Variants in SLC25A17 observed in about 807,000 individuals in gnomAD.
The protein encoded by SLC25A17 is peroxisomal membrane protein PMP34.
SLC25A17 carries 26 observed loss-of-function variants against 38.5 expected under a neutral mutation model. That is an observed-to-expected ratio of 0.68 (90% CI 0.50 to 0.94). The LOEUF (loss-of-function observed/expected upper bound fraction) is 0.94. Ranked by LOEUF, SLC25A17 falls within the 40% of genes least tolerant of loss-of-function variation. SLC25A17 has a pLI of 0.00. For synonymous variants in SLC25A17, 139 were observed against 136.2 expected (o/e 1.02, Z -0.14); for missense variants, 333 against 372.7 (o/e 0.89, Z 0.88).
At chr22:40,804,129 T>A (rs1461537987) in intron 1 of SLC25A17, among the ~76,000 whole-genome samples, 1 of 152,076 alleles carries the variant, frequency 6.6e-6, no homozygotes, top group African/African-American at 2.4e-5. Context: ...TCACTTTCAA[T>A]CCCAATTCGG....
intron 8 of SLC25A17, among the ~76,000 whole-genome samples, chr22:40,772,217 G>A (rs1225998965): frequency 6.6e-6 from 1 of 152,184 alleles, no homozygotes; most frequent in African/African-American, 2.4e-5. Flanking sequence ...AGCAGCATAA[G>A]AAAGTAAGTT....
intron 1 of SLC25A17, among the ~76,000 whole-genome samples, chr22:40,803,795 T>A (rs2057504454): frequency 6.6e-6 from 1 of 151,514 alleles, no homozygotes; most frequent in Non-Finnish European, 1.5e-5. Flanking sequence ...TTTCTCAGTA[T>A]CCTCACCAGC....
At chr22:40,791,911 G>A (rs554665148) in intron 4 of SLC25A17, among the ~76,000 whole-genome samples, 1 of 152,030 alleles carries the variant, frequency 6.6e-6, no homozygotes, top group East Asian at 1.9e-4. Flanking sequence ...TGGAAAGCAG[G>A]CTCTCAAAGA....
chr22:40,771,826 A>C (rs145035295), intron 8 of SLC25A17, among the ~76,000 whole-genome samples: 3 of 152,190 alleles, frequency 2.0e-5, no homozygotes, highest in African/African-American at 7.2e-5. Context: ...TAATAATTTA[A>C]TTGTACATTT....
Position 40,777,134 on chromosome 22 carries a change from A to T in SLC25A17, c.599T>A (p.Leu200His). Residue 200 changes from leucine to histidine, a missense_variant and splice_region_variant, in exon 7 of 9, where the codon CTT becomes CAT. Leu to His is a moderately conservative substitution (Grantham distance 99, BLOSUM62 -3). Transcript: ENST00000435456. The part of the protein sequence containing the change: ...KRQLLKKRMK[L>H]SSLDVFIIGA... ...AATGATGAACACATCCAAGGAAGAA[A>T]GCTGGAAAGCAAAGGAAGAACAAAC... 1 of 1,614,190 alleles carries T rather than the reference A, an allele frequency of 6.2e-7. No individual in the cohort carries two copies. The highest frequency in any genetic ancestry group is 8.5e-7 in the Non-Finnish European group (1 of 1,180,050).
intron 1 of SLC25A17, among the ~76,000 whole-genome samples, chr22:40,809,824 A>G (rs540015333): frequency 7.9e-5 from 12 of 152,278 alleles, no homozygotes; most frequent in African/African-American, 2.9e-4. Context: ...ATTATTAACA[A>G]ACTTCATTAT....
intron 1 of SLC25A17, among the ~76,000 whole-genome samples, chr22:40,801,937 C>T (rs926541854): frequency 4.6e-5 from 7 of 152,108 alleles, no homozygotes; most frequent in Non-Finnish European, 1.0e-4. Flanking sequence ...ATTAAGGGCG[C>T]CCGCCTCCAT....
At chr22:40,818,537 C>CA (rs5845474) in intron 1 of SLC25A17, among the ~76,000 whole-genome samples, 31,065 of 151,702 alleles carry the variant, frequency 0.2, 4,126 homozygotes, top group East Asian at 0.31. Context: ...TGCCAGACCC[C>CA]AAAAATTTTT....
intron 4 of SLC25A17, chr22:40,788,941 TAGCCAACAACG>T (rs2057361588): frequency 3.2e-6 from 1 of 312,486 alleles, no homozygotes. Flanking sequence ...TGGTCTGAGG[TAGCCAACAACG>T]GCCACACTCA....
intron 7 of SLC25A17, among the ~76,000 whole-genome samples, chr22:40,774,402 T>TTA (rs1213497375): frequency 2.6e-5 from 4 of 152,180 alleles, no homozygotes; most frequent in Admixed American, 2.6e-4. Context: ...TTTTGTATTT[T>TTA]TAGCAGAGAT....
chr22:40,809,999 G>C (rs913345437), intron 1 of SLC25A17, among the ~76,000 whole-genome samples: 28 of 152,070 alleles, frequency 1.8e-4, no homozygotes, highest in Admixed American at 9.2e-4. Flanking sequence ...ATTTATTAGG[G>C]TTTTTTTAAA....
At chr22:40,775,436 GTT>G (rs71200615) in intron 7 of SLC25A17, among the ~76,000 whole-genome samples, 119 of 86,762 alleles carry the variant, frequency 1.4e-3, no homozygotes, top group Non-Finnish European at 1.8e-3. Flanking sequence ...AGATCTGATG[GTT>G]TTTTTTTTTT....
intron 4 of SLC25A17, chr22:40,779,905 T>TAAAAAA (rs3838161): frequency 6.6e-6 from 1 of 151,636 alleles, no homozygotes; most frequent in Non-Finnish European, 1.5e-5. Context: ...CTGAAATGAT[T>TAAAAAA]AAAAAAAAAT....
At chr22:40,797,235 T>A (rs957052900) in intron 2 of SLC25A17, 3 of 854,918 alleles carry the variant, frequency 3.5e-6, no homozygotes, top group Admixed American at 4.8e-5. Context: ...CCAAAAATAG[T>A]AGGCATAAAG....
chr22:40,778,791 C>T (rs1324807741), intron 5 of SLC25A17, among the ~76,000 whole-genome samples: 1 of 152,036 alleles, frequency 6.6e-6, no homozygotes, highest in Non-Finnish European at 1.5e-5. Context: ...GAACAGGCAA[C>T]GTACAGAATG....
chr22:40,775,930 G>A lies in SLC25A17; in HGVS notation c.693+1110C>T, dbSNP rs145433516. 4.7e-3 allele frequency among the ~76,000 whole-genome samples: 712 copies of A among 152,262 alleles called. 4 individuals carry two copies. Among genetic ancestry groups the A allele is most frequent in the Non-Finnish European group, 7.9e-3 (536 of 68,026 alleles). ...ACCTCTTTCCTTTATAAATTACCCA[G>A]TCTCAGGCAGTCCTTTAGAGCAGCA... is the stretch of plus-strand genomic sequence containing the variant. On this transcript the variant is annotated intron_variant, in intron 7 of 8. Coordinates refer to ENST00000435456, the MANE Select transcript of SLC25A17 (RefSeq NM_006358.4).
At chr22:40,790,167 C>G (rs1437702105) in intron 4 of SLC25A17, among the ~76,000 whole-genome samples, 1 of 151,392 alleles carries the variant, frequency 6.6e-6, no homozygotes, top group Non-Finnish European at 1.5e-5. Flanking sequence ...TGGTGAAACC[C>G]TATCTTTACT....
At chr22:40,819,146 G>A (rs201867449) in intron 1 of SLC25A17, 49 bp downstream of exon 1, 6 of 1,602,808 alleles carry the variant, frequency 3.7e-6, no homozygotes, top group East Asian at 4.5e-5. Context: ...ACTGGCCCCC[G>A]AGAAGCCTTA....
chr22:40,782,852 T>C (rs993252785), intron 4 of SLC25A17, among the ~76,000 whole-genome samples: 4 of 152,256 alleles, frequency 2.6e-5, no homozygotes, highest in African/African-American at 9.6e-5. Context: ...TCTCTTCATT[T>C]ATCTGTTAAG....
Sources: allele counts gnomAD v4.1 joint callset (sites outside exome capture counted in the v4.1 genomes callset), GRCh38; gene constraint gnomAD v4.1.1; transcripts MANE v1.5; gene names NCBI Gene and HGNC (gene_info 2026-07-23, HGNC 2026-07-21).